IGF1R: variants seen among roughly 807,000 people sequenced by gnomAD.
IGF1R encodes the protein insulin-like growth factor 1 receptor.
IGF1R carries 44 observed loss-of-function variants against 144.6 expected under a neutral mutation model. The observed-to-expected ratio is 0.30, with a 90% CI of 0.24 to 0.39. The LOEUF is 0.39. Among genes scored for constraint, IGF1R ranks in the 10% least tolerant of loss-of-function variants. IGF1R has a pLI of 1.00. For synonymous variants in IGF1R, 795 were observed against 722.8 expected (o/e 1.10, Z -1.60); for missense variants, 1,355 against 1,833.7 (o/e 0.74, Z 4.77).
chr15:98,916,793 A>G lies in IGF1R; in HGVS notation c.2118A>G (p.Glu706=). The G allele has an allele frequency of 6.2e-7, 1 of 1,614,100 alleles. No individual in the cohort carries two copies. The highest frequency in any genetic ancestry group is 8.5e-7 in the Non-Finnish European group (1 of 1,180,024). ...CTTGCTGCGCCTGCCCCAAAACTGA[A>G]GCCGAGAAGCAGGCCGAGAAGGAGG... ...KGPCCACPKT[E]AEKQAEKEEA... Residue 706 remains glutamate (E), a synonymous_variant, in exon 10 of 21, where the codon GAA becomes GAG. Transcript: ENST00000650285.
At position 98,958,407 on chromosome 15, in the gene IGF1R, AGCT is replaced by A; in HGVS notation, c.*966_*968del. ...CCATGCCTGCTTCTCTCCCAGCCCC[AGCT>A]CCCCCGCCCGCCCCCAAGGACACAG... On this transcript the variant is annotated 3_prime_UTR_variant, in exon 21 of 21. Coordinates refer to ENST00000650285, the MANE Select transcript of IGF1R (RefSeq NM_000875.5). 1 of 119,534 alleles carries A rather than the reference AGCT, an allele frequency of 8.4e-6. No homozygotes were observed. Among genetic ancestry groups the A allele is most frequent in the East Asian group, 2.2e-4 (1 of 4,540 alleles). 7.4% of individuals were successfully genotyped at this position (119,534 alleles called of 1,614,324 possible). A position where few individuals can be genotyped will look rare whatever the true frequency, so the allele number is the denominator to read the frequency against.
In IGF1R at chr15:98,933,780, C is replaced by T. The variant is rs555004145; in HGVS notation, c.2957-1044C>T. Reference sequence around the variant, plus strand: ...AGAGCCCAGGCCAGAGCCCTGGAAACGCCTCTGCCCGTCCGCTGCCTAATT... The same window carrying T: ...AGAGCCCAGGCCAGAGCCCTGGAAATGCCTCTGCCCGTCCGCTGCCTAATT... On this transcript the variant is annotated intron_variant, in intron 15 of 20. Transcript: ENST00000650285. 2.5e-4 allele frequency among the ~76,000 whole-genome samples: 38 copies of T among 151,624 alleles called. No individual in the cohort carries two copies. The East Asian group carries it at 6.0e-3, about 24-fold the overall frequency.
At position 98,919,608 on chromosome 15, in the gene IGF1R, A is replaced by G. The variant is rs536818047; in HGVS notation, c.2202-2540A>G. 1.2e-4 allele frequency among the ~76,000 whole-genome samples: 18 copies of G among 152,312 alleles called. 1 individual carries two copies. The South Asian group carries it at 3.7e-3, about 32-fold the overall frequency. On this transcript the variant is annotated intron_variant, in intron 10 of 20. Transcript: ENST00000650285. Reference sequence around the variant, plus strand: ...GTTCAAAACAAGTTTCCTGTGTTCTACTGGAGAAGTGTGTTTATCTGTCCC... The same window carrying G: ...GTTCAAAACAAGTTTCCTGTGTTCTGCTGGAGAAGTGTGTTTATCTGTCCC...
chr15:98,786,853 T>C (rs2056010348), intron 2 of IGF1R, among the ~76,000 whole-genome samples: 1 of 152,180 alleles, frequency 6.6e-6, no homozygotes, highest in South Asian at 2.1e-4. Flanking sequence ...GTGTGGAACG[T>C]GAAGCCTTTC....
intron 2 of IGF1R, among the ~76,000 whole-genome samples, chr15:98,738,120 T>C (rs994650746): frequency 1.3e-5 from 2 of 152,248 alleles, no homozygotes; most frequent in African/African-American, 2.4e-5. Flanking sequence ...GGCCTGCTTA[T>C]ATCTAAACTT....
At chr15:98,741,712 G>A (rs1268748063) in intron 2 of IGF1R, among the ~76,000 whole-genome samples, 1 of 152,192 alleles carries the variant, frequency 6.6e-6, no homozygotes, top group African/African-American at 2.4e-5. Context: ...GCAGAGAGTT[G>A]TTGGGTTTTC....
intron 2 of IGF1R, among the ~76,000 whole-genome samples, chr15:98,717,709 G>T (rs1472413422): frequency 1.3e-5 from 2 of 152,164 alleles, no homozygotes; most frequent in Non-Finnish European, 2.9e-5. Flanking sequence ...GAGCATTTAA[G>T]AAATATCCAT....
At chr15:98,864,209 C>A (rs1344739824) in intron 2 of IGF1R, among the ~76,000 whole-genome samples, 1 of 152,156 alleles carries the variant, frequency 6.6e-6, no homozygotes, top group African/African-American at 2.4e-5. Context: ...GAGGTGTGAT[C>A]ATGCCCCTGC....
rs768746949 is a variant in IGF1R, at chr15:98,929,593, C to G, written c.2818C>G (p.Leu940Val). The G allele has an allele frequency of 6.2e-7, 1 of 1,614,172 alleles. No homozygotes were observed. The highest frequency in any genetic ancestry group is 8.5e-7 in the Non-Finnish European group (1 of 1,180,002). Residue 940 changes from leucine (L) to valine (V), a missense_variant, in exon 14 of 21, where the codon CTG becomes GTG. Coordinates refer to ENST00000650285, the MANE Select transcript of IGF1R (RefSeq NM_000875.5). ...YENFIHLIIA[L>V]PVAVLLIVGG... ...AAACTTCATCCATCTGATCATCGCT[C>G]TGCCCGTCGCTGTCCTGTTGATCGT...
chr15:98,700,746 A>G (rs910199828), intron 1 of IGF1R, among the ~76,000 whole-genome samples: 1 of 151,922 alleles, frequency 6.6e-6, no homozygotes, highest in African/African-American at 2.4e-5. Flanking sequence ...GCTGCCTCCC[A>G]GGGTGTGCTC....
chr15:98,748,613 G>A (rs189267856), intron 2 of IGF1R, among the ~76,000 whole-genome samples: 1 of 152,312 alleles, frequency 6.6e-6, no homozygotes, highest in Admixed American at 6.5e-5. Context: ...GAAAACTGTA[G>A]GAAACTGGAA....
intron 2 of IGF1R, among the ~76,000 whole-genome samples, chr15:98,765,341 C>T (rs1407876553): frequency 9.5e-6 from 1 of 105,348 alleles, no homozygotes; most frequent in African/African-American, 3.7e-5. Context: ...TTTTTTGAGA[C>T]AGTCTCGCTG....
At chr15:98,852,563 A>AGAG (rs2011580808) in intron 2 of IGF1R, among the ~76,000 whole-genome samples, 2 of 152,300 alleles carry the variant, frequency 1.3e-5, no homozygotes, top group African/African-American at 4.8e-5. Flanking sequence ...TCACCAGAGC[A>AGAG]GAGGAGGAGT....
chr15:98,681,738 C>G (rs1222852071), intron 1 of IGF1R, among the ~76,000 whole-genome samples: 1 of 152,118 alleles, frequency 6.6e-6, no homozygotes, highest in East Asian at 1.9e-4. Context: ...AAAGGTGAGT[C>G]TGGTTCAGTT....
At chr15:98,922,647 C>T (rs2015538621) in intron 11 of IGF1R, among the ~76,000 whole-genome samples, 1 of 152,244 alleles carries the variant, frequency 6.6e-6, no homozygotes, top group South Asian at 2.1e-4. Context: ...AGCTTGGTCT[C>T]TCCATAGAAC....
At chr15:98,906,699 A>G (rs2151667201) in intron 5 of IGF1R, among the ~76,000 whole-genome samples, 1 of 152,346 alleles carries the variant, frequency 6.6e-6, no homozygotes, top group Admixed American at 6.5e-5. Context: ...ACAATGTCTT[A>G]TGCTGCTTTT....
chr15:98,818,994 T>A (rs1418005488), intron 2 of IGF1R, among the ~76,000 whole-genome samples: 1 of 152,112 alleles, frequency 6.6e-6, no homozygotes, highest in East Asian at 1.9e-4. Flanking sequence ...GGTGGAGGCT[T>A]CCATTCCTGA....
intron 6 of IGF1R, among the ~76,000 whole-genome samples, chr15:98,910,017 C>T (rs1221276025): frequency 1.3e-5 from 2 of 152,138 alleles, no homozygotes; most frequent in Non-Finnish European, 2.9e-5. Context: ...GTGATTTGTG[C>T]GTGTGTGCAG....
chr15:98,935,283 C>T lies in IGF1R; in HGVS notation c.3187-33C>T. 1.4e-6 allele frequency: 2 copies of T among 1,429,632 alleles called. No homozygotes were observed. The highest frequency in any genetic ancestry group is 2.5e-5 in the South Asian group (2 of 81,548). 88.6% of individuals were successfully genotyped at this position (1,429,632 alleles called of 1,614,324 possible). ...CAGGCATCAGCAAGGGCCACCTGAC[C>T]CTCTGAGTCTTTCTCTTTTTGATTC... On this transcript the variant is annotated intron_variant, in intron 16 of 20. Transcript: ENST00000650285. The surrounding 1 kb of genome is among the most constrained non-coding windows in gnomAD (Gnocchi z 4.2).
Sources: gnomAD v4.1 joint callset for allele counts (sites outside exome capture counted in the v4.1 genomes callset) on GRCh38, gnomAD v4.1.1 for gene constraint, Gnocchi (gnomAD v3.1) non-coding constraint, MANE v1.5 for transcripts, NCBI Gene and HGNC (gene_info 2026-07-23, HGNC 2026-07-21) for gene names.